The following RANBP9 variants were observed in gnomAD, a reference collection of about 807,000 sequenced individuals.
The protein encoded by RANBP9 is ran-binding protein 9.
Under a neutral mutation model 84.3 loss-of-function variants are expected in RANBP9, and 15 were observed. The observed-to-expected ratio is 0.18, with a 90% CI of 0.12 to 0.27. The LOEUF (loss-of-function observed/expected upper bound fraction) is 0.27, where lower values mean the gene tolerates loss of function less well. Ranked by LOEUF, RANBP9 falls within the 10% of genes least tolerant of loss-of-function variation. The pLI, the probability that RANBP9 is intolerant of heterozygous loss-of-function variation, is 1.00. For missense variants in RANBP9, 809 were observed against 912.8 expected, an observed-to-expected ratio of 0.89 and a Z score of 1.46; for synonymous variants, 392 against 349.6, an observed-to-expected ratio of 1.12 and a Z score of -1.35.
intron 1 of RANBP9, among the ~76,000 whole-genome samples, chr6:13,708,164 G>C (rs1758176373): frequency 6.6e-6 from 1 of 152,138 alleles, no homozygotes; most frequent in African/African-American, 2.4e-5. Flanking sequence ...GCTCAGGCTT[G>C]TAATTCCAGT....
At chr6:13,640,479 T>G (rs1036588543) in intron 8 of RANBP9, among the ~76,000 whole-genome samples, 6 of 152,186 alleles carry the variant, frequency 3.9e-5, no homozygotes, top group Admixed American at 1.3e-4. Flanking sequence ...GAATTATTCA[T>G]AACAGCCAAG....
In RANBP9 at chr6:13,641,317, A is replaced by G. The variant is rs1175225300; in HGVS notation, c.1226-10T>C. On this transcript the variant is annotated splice_polypyrimidine_tract_variant and intron_variant, in intron 7 of 13. Coordinates refer to ENST00000011619, the MANE Select transcript of RANBP9 (RefSeq NM_005493.3). Reference sequence around the variant, plus strand: ...ACCAATTTCTGAATTCCTATTCAGTAAAAGAAAGCAAACGATTAACTTTTA... The same window carrying G: ...ACCAATTTCTGAATTCCTATTCAGTGAAAGAAAGCAAACGATTAACTTTTA... 13 of 1,515,714 alleles carry G rather than the reference A, an allele frequency of 8.6e-6. No individual in the cohort carries two copies. Among genetic ancestry groups the G allele is most frequent in the South Asian group, 1.2e-5 (1 of 82,530 alleles). 93.9% of individuals were successfully genotyped at this position (1,515,714 alleles called of 1,614,324 possible). A position where few individuals can be genotyped will look rare whatever the true frequency, so the allele number is the denominator to read the frequency against.
Position 13,645,260 on chromosome 6 carries a change from A to G in RANBP9, c.928-531T>C, listed in dbSNP as rs1002276305. Among the ~76,000 whole-genome samples the G allele has an allele frequency of 3.9e-5, 6 of 152,176 alleles. No individual in the cohort carries two copies. In the East Asian group the frequency reaches 1.2e-3, roughly 29 times the overall value. On this transcript the variant is annotated intron_variant, in intron 5 of 13. Coordinates refer to ENST00000011619, the MANE Select transcript of RANBP9 (RefSeq NM_005493.3). The stretch of plus-strand genomic sequence containing the variant: ...TTTACAAAGGGAAGGGGATAAGACC[A>G]TAACTATAAGCAAAACACAGTGCCA...
intron 2 of RANBP9, among the ~76,000 whole-genome samples, chr6:13,675,481 T>C (rs1214418217): frequency 2.0e-5 from 3 of 152,258 alleles, no homozygotes; most frequent in South Asian, 2.1e-4. Flanking sequence ...ATTTGTGGGA[T>C]GCAGTGAAAG....
chr6:13,658,664 G>A lies in RANBP9; in HGVS notation c.736+116C>T, dbSNP rs981845601. 5 of 902,772 alleles carry A rather than the reference G, an allele frequency of 5.5e-6. No individual in the cohort carries two copies. In the South Asian group the frequency reaches 7.9e-5, roughly 14 times the overall value. 55.9% of individuals were successfully genotyped at this position (902,772 alleles called of 1,614,324 possible). On this transcript the variant is annotated intron_variant, in intron 3 of 13. Transcript: ENST00000011619. Reference sequence around the variant, plus strand: ...TCAGCTTTCACTTAAAATTCATAATGATGATTAAAAACACAGAAAATCAGT... The same window carrying A: ...TCAGCTTTCACTTAAAATTCATAATAATGATTAAAAACACAGAAAATCAGT...
At chr6:13,654,771 G>A (rs1425881480) in intron 4 of RANBP9, among the ~76,000 whole-genome samples, 1 of 152,186 alleles carries the variant, frequency 6.6e-6, no homozygotes, top group Admixed American at 6.5e-5. Context: ...ATAAACAGGA[G>A]GCTAACTTGG....
At chr6:13,633,937 T>C (rs1185393284) in intron 11 of RANBP9, among the ~76,000 whole-genome samples, 1 of 54,644 alleles carries the variant, frequency 1.8e-5, no homozygotes, top group African/African-American at 7.8e-5. Flanking sequence ...AATTTTTTTG[T>C]TGGTGGTGGG....
chr6:13,702,222 C>T (rs1757991688), intron 1 of RANBP9, among the ~76,000 whole-genome samples: 1 of 152,034 alleles, frequency 6.6e-6, no homozygotes, highest in Admixed American at 6.6e-5. Flanking sequence ...GTGGGTGGAT[C>T]ACTTGAGGTC....
intron 8 of RANBP9, among the ~76,000 whole-genome samples, chr6:13,640,368 A>G (rs1179387405): frequency 6.6e-6 from 1 of 152,152 alleles, no homozygotes; most frequent in Non-Finnish European, 1.5e-5. Flanking sequence ...AAAATAGTTA[A>G]ACATAGAATT....
At chr6:13,657,856 C>G (rs764602102) in intron 3 of RANBP9, among the ~76,000 whole-genome samples, 1 of 152,046 alleles carries the variant, frequency 6.6e-6, no homozygotes, top group African/African-American at 2.4e-5. Flanking sequence ...CAAAAGGGTA[C>G]AAAACAAAGC....
intron 11 of RANBP9, 30 bp downstream of exon 11, chr6:13,634,401 A>T: frequency 1.2e-6 from 2 of 1,602,394 alleles, no homozygotes; most frequent in Admixed American, 1.7e-5. Flanking sequence ...ATCATTTTTT[A>T]TTAAAAATGT....
chr6:13,671,123 CATT>C (rs1156810629), intron 2 of RANBP9, among the ~76,000 whole-genome samples: 1 of 152,128 alleles, frequency 6.6e-6, no homozygotes, highest in Non-Finnish European at 1.5e-5. Context: ...TATGAGCTCT[CATT>C]TTACATACAC....
intron 9 of RANBP9, among the ~76,000 whole-genome samples, 173 bp downstream of exon 9, chr6:13,639,390 G>A (rs961308409): frequency 4.6e-5 from 7 of 152,130 alleles, no homozygotes; most frequent in Non-Finnish European, 7.4e-5. Flanking sequence ...ATGTTGGCCA[G>A]GCTGGTCTCG....
Position 13,628,673 on chromosome 6 carries a change from G to A in RANBP9, c.1948-2909C>T, listed in dbSNP as rs372546599. Among the ~76,000 whole-genome samples, 34 of 152,300 alleles carry A rather than the reference G, an allele frequency of 2.2e-4. No individual in the cohort carries two copies. The East Asian group carries it at 5.6e-3, about 25-fold the overall frequency. The stretch of plus-strand genomic sequence containing the variant: ...TCAAACTCCCAGTCGTAAACATCTA[G>A]GACTTGATTCTTTCTTCACAAAGGA... On this transcript the variant is annotated intron_variant, in intron 12 of 13. Transcript: ENST00000011619.
chr6:13,670,525 G>T (rs1288577472), intron 2 of RANBP9, among the ~76,000 whole-genome samples: 1 of 151,924 alleles, frequency 6.6e-6, no homozygotes, highest in Non-Finnish European at 1.5e-5. Flanking sequence ...GGCCAGGTGT[G>T]GTGGCTCATG....
chr6:13,686,076 C>A (rs1414236358), intron 2 of RANBP9, among the ~76,000 whole-genome samples: 1 of 111,278 alleles, frequency 9.0e-6, no homozygotes, highest in African/African-American at 3.3e-5. Flanking sequence ...ACTTTTTTTT[C>A]TTTCCTGAAT....
intron 2 of RANBP9, among the ~76,000 whole-genome samples, chr6:13,695,342 GA>G (rs767584411): frequency 2.2e-5 from 3 of 135,582 alleles, no homozygotes; most frequent in South Asian, 4.8e-4. Flanking sequence ...GAGATGAACA[GA>G]AAAGTTAAAA....
intron 3 of RANBP9, 102 bp downstream of exon 3, chr6:13,658,678 C>A (rs1584927609): frequency 5.0e-6 from 5 of 994,524 alleles, no homozygotes; most frequent in Non-Finnish European, 7.7e-6. Flanking sequence ...ATTAAAAACA[C>A]AGAAAATCAG....
intron 2 of RANBP9, among the ~76,000 whole-genome samples, chr6:13,670,746 G>A (rs1765759220): frequency 1.4e-5 from 2 of 146,740 alleles, no homozygotes; most frequent in African/African-American, 5.1e-5. Context: ...CTTGCAGTTA[G>A]CCAAGATCAT....
Sources: allele counts gnomAD v4.1 joint callset (sites outside exome capture counted in the v4.1 genomes callset), GRCh38; gene constraint gnomAD v4.1.1; transcripts MANE v1.5; gene names NCBI Gene and HGNC (gene_info 2026-07-23, HGNC 2026-07-21).